The following NXPE4 variants were observed in gnomAD, a reference collection of about 807,000 sequenced individuals.
NXPE4 encodes NXPE family member 4.
In NXPE4, 42 loss-of-function variants were observed where a neutral mutation model predicts 33.3. The observed-to-expected ratio is 1.26, with a 90% confidence interval of 0.98 to 1.63. The LOEUF (loss-of-function observed/expected upper bound fraction) is 1.63, where lower values mean the gene tolerates loss of function less well. Ranked by LOEUF, NXPE4 falls within the 40% of genes most tolerant of loss-of-function variation. NXPE4 has a pLI of 0.00. For synonymous variants in NXPE4, 253 were observed against 234.9 expected, an observed-to-expected ratio of 1.08 and a Z score of -0.71; for missense variants, 709 against 647.6, an observed-to-expected ratio of 1.09 and a Z score of -1.03.
At chr11:114,635,864 TG>T in the NXPE4 span, among the ~76,000 whole-genome samples, 1 of 152,128 alleles carries the variant, frequency 6.6e-6, no homozygotes, top group South Asian at 2.1e-4. Context: ...GTATTCGGTT[TG>T]CCAGTATTTT....
intron 5 of NXPE4, among the ~76,000 whole-genome samples, chr11:114,571,890 G>T (rs544793804): frequency 6.6e-6 from 1 of 152,232 alleles, no homozygotes; most frequent in Non-Finnish European, 1.5e-5. Context: ...CTGCCTGTAG[G>T]ACAGCAGCTG....
the NXPE4 span, among the ~76,000 whole-genome samples, chr11:114,657,819 C>T: frequency 6.6e-6 from 1 of 152,150 alleles, no homozygotes; most frequent in African/African-American, 2.4e-5. Context: ...ACTCTTTTCA[C>T]TTACAAATCA....
At chr11:114,633,092 ATT>A in the NXPE4 span, among the ~76,000 whole-genome samples, 2 of 119,306 alleles carry the variant, frequency 1.7e-5, no homozygotes, top group South Asian at 2.4e-4. Context: ...TCTTTTATGT[ATT>A]TTATATATTT....
the NXPE4 span, among the ~76,000 whole-genome samples, chr11:114,650,537 G>A: frequency 1.3e-5 from 2 of 152,182 alleles, no homozygotes; most frequent in African/African-American, 4.8e-5. Context: ...ATCAATGGAG[G>A]AAGGGCAAGT....
In NXPE4 at chr11:114,593,333, A is replaced by T. The variant is rs1591356425; in HGVS notation, c.96+1331T>A. Among the ~76,000 whole-genome samples, 3 of 152,264 alleles carry T rather than the reference A, an allele frequency of 2.0e-5. No individual in the cohort carries two copies. In the South Asian group the frequency reaches 6.2e-4, roughly 32 times the overall value. On this transcript the variant is annotated intron_variant, in intron 2 of 5. Coordinates refer to ENST00000375478, the MANE Select transcript of NXPE4 (RefSeq NM_001077639.2). ...GGAACTCAACCAACTCTATAGCAAAAATATTTAACAATCCAATTAAAAATT... is the reference window on the plus strand; with the variant it reads ...GGAACTCAACCAACTCTATAGCAAATATATTTAACAATCCAATTAAAAATT...
chr11:114,638,169 ATTC>A, the NXPE4 span, among the ~76,000 whole-genome samples: 2 of 151,254 alleles, frequency 1.3e-5, no homozygotes, highest in Non-Finnish European at 3.0e-5. Flanking sequence ...ATTTCTTTTT[ATTC>A]TTTTTTCTCT....
At chr11:114,650,735 A>G in the NXPE4 span, among the ~76,000 whole-genome samples, 1 of 152,186 alleles carries the variant, frequency 6.6e-6, no homozygotes, top group Admixed American at 6.5e-5. Context: ...CCAACCATGG[A>G]TACAAGGCAG....
chr11:114,624,920 T>A, the NXPE4 span, among the ~76,000 whole-genome samples: 1 of 152,132 alleles, frequency 6.6e-6, no homozygotes, highest in African/African-American at 2.4e-5. Flanking sequence ...TAACCACTGT[T>A]ACCTGGTGGA....
chr11:114,670,021 G>T, the NXPE4 span, among the ~76,000 whole-genome samples: 1 of 152,022 alleles, frequency 6.6e-6, no homozygotes, highest in African/African-American at 2.4e-5. Flanking sequence ...ATTTACCAGA[G>T]GAAACTGCAC....
upstream of NXPE4, among the ~76,000 whole-genome samples, chr11:114,597,356 G>A (rs1353915232): frequency 6.6e-6 from 1 of 152,034 alleles, no homozygotes; most frequent in Non-Finnish European, 1.5e-5. Context: ...ATTAACCAGG[G>A]GTGGACAAAC....
chr11:114,577,116 T>C (rs28843790), intron 5 of NXPE4, among the ~76,000 whole-genome samples: 2 of 142,062 alleles, frequency 1.4e-5, no homozygotes, highest in East Asian at 2.0e-4. Flanking sequence ...TATATACACA[T>C]ATATATAAAG....
rs141600927 is a variant in NXPE4 at position 114,586,062 on chromosome 11, T to G, written c.97-3041A>C. Among the ~76,000 whole-genome samples the G allele has an allele frequency of 8.7e-4, 133 of 152,328 alleles. 1 individual carries two copies. Among genetic ancestry groups the G allele is most frequent in the Non-Finnish European group, 1.7e-3 (116 of 68,030 alleles). ...ACACCGAGTCCTAACCAGTTCTTTG[T>G]GTGCTATGCAAATGTTACACCTGGG... On this transcript the variant is annotated intron_variant, in intron 2 of 5. Coordinates refer to ENST00000375478, the MANE Select transcript of NXPE4 (RefSeq NM_001077639.2).
chr11:114,638,681 C>G, the NXPE4 span, among the ~76,000 whole-genome samples: 1 of 152,104 alleles, frequency 6.6e-6, no homozygotes, highest in Non-Finnish European at 1.5e-5. Context: ...TTCTTTCTAA[C>G]AGACAGGACC....
chr11:114,602,424 A>G, the NXPE4 span, among the ~76,000 whole-genome samples: 1 of 133,360 alleles, frequency 7.5e-6, no homozygotes, highest in Non-Finnish European at 1.5e-5. Flanking sequence ...ACATATCAAT[A>G]AATGTAATTA....
chr11:114,601,121 C>A, the NXPE4 span, among the ~76,000 whole-genome samples: 1 of 151,650 alleles, frequency 6.6e-6, no homozygotes, highest in African/African-American at 2.4e-5. Flanking sequence ...ACTTTAGGGG[C>A]ACAAGTGATT....
chr11:114,607,774 C>A, the NXPE4 span, among the ~76,000 whole-genome samples: 1 of 151,790 alleles, frequency 6.6e-6, no homozygotes, highest in South Asian at 2.1e-4. Flanking sequence ...TCTAGGGTAA[C>A]CACTGTTACA....
intron 2 of NXPE4, among the ~76,000 whole-genome samples, chr11:114,593,382 T>G (rs1439870190): frequency 6.6e-6 from 1 of 152,126 alleles, no homozygotes; most frequent in Non-Finnish European, 1.5e-5. Context: ...GAATAGACAC[T>G]TACTAGAAGA....
At chr11:114,658,809 C>T in the NXPE4 span, among the ~76,000 whole-genome samples, 113,999 of 151,956 alleles carry the variant, frequency 0.75, 44,797 homozygotes, top group East Asian at 0.88. Context: ...CAAAATAACA[C>T]GAACAGAAGA....
chr11:114,651,608 G>A, the NXPE4 span, among the ~76,000 whole-genome samples: 2 of 152,162 alleles, frequency 1.3e-5, no homozygotes, highest in Non-Finnish European at 2.9e-5. Flanking sequence ...CTACTGATTG[G>A]TCCATTTTAC....
Sources: allele counts gnomAD v4.1 joint callset (sites outside exome capture counted in the v4.1 genomes callset), GRCh38; gene constraint gnomAD v4.1.1; transcripts MANE v1.5; gene names NCBI Gene and HGNC (gene_info 2026-07-23, HGNC 2026-07-21).